IL13RA1: variants seen among roughly 807,000 people sequenced by gnomAD.
IL13RA1 encodes interleukin 13 receptor subunit alpha 1.
A neutral mutation model predicts 33.8 loss-of-function variants in IL13RA1; 14 were observed. That is an observed-to-expected ratio of 0.41 (90% confidence interval 0.27 to 0.65). The LOEUF (loss-of-function observed/expected upper bound fraction) is 0.65. Among genes scored for constraint, IL13RA1 ranks in the 30% least tolerant of loss-of-function variants. The pLI is 0.28. For synonymous variants in IL13RA1, 116 were observed against 115.7 expected, an observed-to-expected ratio of 1.00 and a Z score of -0.02; for missense variants, 313 against 327.0, an observed-to-expected ratio of 0.96 and a Z score of 0.33.
At chrX:118,772,091 T>A (rs1455472319) in intron 8 of IL13RA1, among the ~76,000 whole-genome samples, 1 of 112,974 alleles carries the variant, frequency 8.9e-6, no homozygotes, top group Admixed American at 9.3e-5. Context: ...CAGGCAAACT[T>A]TACCAGATAC....
chrX:118,782,413 G>A (rs1379165019), intron 10 of IL13RA1, among the ~76,000 whole-genome samples: 5 of 111,126 alleles, frequency 4.5e-5, no homozygotes, highest in Non-Finnish European at 9.4e-5. Flanking sequence ...TCTATAAAGC[G>A]CTGCTTTCAG....
intron 10 of IL13RA1, among the ~76,000 whole-genome samples, chrX:118,777,305 A>G (rs2147395289): frequency 9.0e-6 from 1 of 111,607 alleles, no homozygotes; most frequent in Non-Finnish European, 1.9e-5. Flanking sequence ...TTCATGTTGT[A>G]GCATGTATCA....
intron 10 of IL13RA1, among the ~76,000 whole-genome samples, chrX:118,777,952 A>G (rs1422450208): frequency 3.6e-5 from 4 of 111,802 alleles, no homozygotes; most frequent in Admixed American, 9.5e-5. Flanking sequence ...GATTGTCTGG[A>G]TTCATATCCC....
At chrX:118,784,090 A>AATATATATATATATAT (rs1556372974) in intron 10 of IL13RA1, among the ~76,000 whole-genome samples, 3 of 63,957 alleles carry the variant, frequency 4.7e-5, no homozygotes, top group South Asian at 8.3e-4. Context: ...AAAAAAAAAA[A>AATATATATATATATAT]ATATATATAT....
intron 4 of IL13RA1, among the ~76,000 whole-genome samples, chrX:118,752,684 C>T (rs1203637929): frequency 8.9e-6 from 1 of 112,276 alleles, no homozygotes; most frequent in African/African-American, 3.2e-5. Context: ...CTTGTTTCTC[C>T]TGGTGCCTGA....
chrX:118,768,241 G>A (rs1456293579), intron 8 of IL13RA1, among the ~76,000 whole-genome samples: 2 of 112,244 alleles, frequency 1.8e-5, no homozygotes, highest in Admixed American at 1.9e-4. Context: ...AGGCATGGTT[G>A]TATTCGTTTA....
At chrX:118,795,653 T>C (rs148558706), downstream of IL13RA1, among the ~76,000 whole-genome samples, 447 of 112,394 alleles carry the variant, frequency 4.0e-3, 2 homozygotes, top group Non-Finnish European at 7.2e-3. Context: ...GTGAGATCTA[T>C]GGAAAACAAA....
intron 10 of IL13RA1, among the ~76,000 whole-genome samples, chrX:118,780,589 A>G (rs1271791172): frequency 3.6e-5 from 4 of 112,622 alleles, no homozygotes; most frequent in Non-Finnish European, 7.5e-5. Flanking sequence ...CATGGTGGAA[A>G]GTGAAGGGGG....
At chrX:118,771,755 A>G (rs1289287186) in intron 8 of IL13RA1, among the ~76,000 whole-genome samples, 3 of 112,023 alleles carry the variant, frequency 2.7e-5, no homozygotes, top group African/African-American at 9.7e-5. Flanking sequence ...CGGGTGGATC[A>G]CTTGAGGTCA....
intron 8 of IL13RA1, chrX:118,769,895 A>G (rs758550786): frequency 6.9e-6 from 1 of 144,508 alleles, no homozygotes; most frequent in Non-Finnish European, 1.4e-5. Context: ...GTTGGCCAGC[A>G]TTAGGCTGCA....
chrX:118,744,355 C>G (rs1030486747), intron 2 of IL13RA1, among the ~76,000 whole-genome samples: 1 of 111,169 alleles, frequency 9.0e-6, no homozygotes, highest in African/African-American at 3.3e-5. Flanking sequence ...ATTCATATGC[C>G]TGAAGCATAA....
intron 5 of IL13RA1, among the ~76,000 whole-genome samples, chrX:118,760,749 G>T (rs1393420949): frequency 8.9e-6 from 1 of 112,099 alleles, no homozygotes; most frequent in Admixed American, 9.5e-5. Context: ...TATATCTGCA[G>T]TTGTCTCTCA....
chrX:118,803,399 G>A, the IL13RA1 span, among the ~76,000 whole-genome samples: 4 of 112,057 alleles, frequency 3.6e-5, no homozygotes, highest in African/African-American at 3.2e-5. Flanking sequence ...CTTCCTACAT[G>A]ACGAATTATT....
At chrX:118,759,796 A>G (rs927809800) in intron 5 of IL13RA1, among the ~76,000 whole-genome samples, 1 of 111,260 alleles carries the variant, frequency 9.0e-6, no homozygotes, top group Non-Finnish European at 1.9e-5. Flanking sequence ...TCTTTTTCTG[A>G]GACAGGGTCT....
At position 118,768,552 on chromosome X, in the gene IL13RA1, C is replaced by T. The variant is rs183190973; in HGVS notation, c.1009+1576C>T. On this transcript the variant is annotated intron_variant, in intron 8 of 10. Transcript: ENST00000371666. ...AAGGTATGTTCGTAGGTTCCAACCC[C>T]GGTACCTGTGAATGTAACCTTATTT... Among the ~76,000 whole-genome samples, 39 of 112,227 alleles carry T rather than the reference C, an allele frequency of 3.5e-4. 1 individual carries two copies. The highest frequency in any genetic ancestry group is 4.6e-3 in the Middle Eastern group (1 of 218).
intron 1 of IL13RA1, among the ~76,000 whole-genome samples, chrX:118,735,984 G>A (rs1376241766): frequency 2.7e-5 from 3 of 110,383 alleles, no homozygotes; most frequent in South Asian, 3.8e-4. Flanking sequence ...TCTGTTCCTC[G>A]GACTCAATAA....
chrX:118,739,068 G>A (rs755282041), intron 1 of IL13RA1, among the ~76,000 whole-genome samples: 3 of 111,867 alleles, frequency 2.7e-5, no homozygotes, highest in Admixed American at 1.9e-4. Context: ...GATTATAGGC[G>A]TGAACCACTG....
At chrX:118,741,180 A>G (rs941480132) in intron 2 of IL13RA1, 24 bp downstream of exon 2, 6 of 1,034,965 alleles carry the variant, frequency 5.8e-6, no homozygotes, top group Non-Finnish European at 8.2e-6. Context: ...AACATGTTAC[A>G]TTGATGAGGT....
chrX:118,794,638 A>G (rs2018014014), downstream of IL13RA1: 1 of 112,131 alleles, frequency 8.9e-6, no homozygotes, highest in Non-Finnish European at 1.9e-5. Flanking sequence ...CAGCTATTTT[A>G]TCTTATAATC....
Sources: allele counts gnomAD v4.1 joint callset (sites outside exome capture counted in the v4.1 genomes callset), GRCh38; gene constraint gnomAD v4.1.1; transcripts MANE v1.5; gene names NCBI Gene and HGNC (gene_info 2026-07-23, HGNC 2026-07-21).